The following ATXN1 variants were observed in gnomAD, a reference collection of about 807,000 sequenced individuals.
ATXN1 encodes the protein ataxin 1, also known as ataxin-1.
ATXN1 carries 8 observed loss-of-function variants against 56.4 expected under a neutral mutation model. The ratio of observed to expected loss-of-function variants is 0.14; its 90% CI spans 0.08 to 0.26. The LOEUF is 0.26. ATXN1 is among the 10% of genes least tolerant of loss of function. ATXN1 has a pLI of 1.00. For synonymous variants in ATXN1, 514 were observed against 494.6 expected (o/e 1.04, Z -0.52); for missense variants, 987 against 1,106.5 (o/e 0.89, Z 1.53).
At chr6:16,505,321 G>A (rs1056219973) in intron 5 of ATXN1, among the ~76,000 whole-genome samples, 3 of 152,136 alleles carry the variant, frequency 2.0e-5, no homozygotes, top group Non-Finnish European at 4.4e-5. Flanking sequence ...CAGACTTTCT[G>A]TTACTCAGAA....
intron 2 of ATXN1, among the ~76,000 whole-genome samples, chr6:16,702,198 G>C (rs1235596447): frequency 6.6e-6 from 1 of 152,136 alleles, no homozygotes; most frequent in South Asian, 2.1e-4. Flanking sequence ...ACAACTATCC[G>C]ATCTTTGACA....
At chr6:16,654,381 T>A (rs1308609872) in intron 3 of ATXN1, among the ~76,000 whole-genome samples, 2 of 151,704 alleles carry the variant, frequency 1.3e-5, no homozygotes, top group Admixed American at 6.6e-5. Context: ...CCATTTCTAC[T>A]AAAAATAGAA....
At chr6:16,538,378 C>A (rs533019323) in intron 4 of ATXN1, among the ~76,000 whole-genome samples, 3 of 152,270 alleles carry the variant, frequency 2.0e-5, no homozygotes, top group Admixed American at 2.0e-4. Context: ...ATACAAAGAG[C>A]TGACTGTTAT....
intron 4 of ATXN1, among the ~76,000 whole-genome samples, chr6:16,558,287 C>T (rs1219252097): frequency 1.9e-4 from 22 of 117,098 alleles, no homozygotes; most frequent in Non-Finnish European, 2.9e-4. Flanking sequence ...GGTGACAGAG[C>T]GAGATCCTGT....
chr6:16,662,903 A>T (rs545614861), intron 2 of ATXN1, among the ~76,000 whole-genome samples: 48 of 152,296 alleles, frequency 3.2e-4, no homozygotes, highest in Non-Finnish European at 5.6e-4. Context: ...GTTTTCCCTG[A>T]AACTACTCAG....
intron 6 of ATXN1, among the ~76,000 whole-genome samples, chr6:16,347,954 C>T (rs973076157): frequency 6.6e-6 from 1 of 152,196 alleles, no homozygotes; most frequent in Admixed American, 6.5e-5. Flanking sequence ...AGCTATAACA[C>T]TCACCGGAAA....
chr6:16,437,701 A>G (rs1759422921), intron 6 of ATXN1, among the ~76,000 whole-genome samples: 1 of 152,226 alleles, frequency 6.6e-6, no homozygotes, highest in Non-Finnish European at 1.5e-5. Context: ...TAACTTACAA[A>G]TTATTGGTAT....
chr6:16,529,680 T>C (rs1414804225), intron 4 of ATXN1, among the ~76,000 whole-genome samples: 1 of 152,060 alleles, frequency 6.6e-6, no homozygotes, highest in Non-Finnish European at 1.5e-5. Context: ...ATACATATTA[T>C]TATGTGTTTC....
chr6:16,746,651 C>T (rs994339591), intron 2 of ATXN1, among the ~76,000 whole-genome samples: 12 of 152,078 alleles, frequency 7.9e-5, no homozygotes, highest in East Asian at 3.9e-4. Context: ...TAAAAAGGAG[C>T]GGAGGAAGTA....
intron 2 of ATXN1, among the ~76,000 whole-genome samples, chr6:16,688,304 G>A (rs1309474957): frequency 2.6e-5 from 4 of 152,174 alleles, no homozygotes; most frequent in Non-Finnish European, 5.9e-5. Flanking sequence ...CCATGCTTAT[G>A]AATTGAGAAA....
At chr6:16,623,809 T>C (rs1032703366) in intron 3 of ATXN1, among the ~76,000 whole-genome samples, 2 of 152,258 alleles carry the variant, frequency 1.3e-5, no homozygotes, top group Non-Finnish European at 2.9e-5. Context: ...ACATATCCGA[T>C]GTGAATAGAC....
intron 6 of ATXN1, among the ~76,000 whole-genome samples, chr6:16,412,157 T>C (rs1175880859): frequency 6.6e-6 from 1 of 152,214 alleles, no homozygotes; most frequent in African/African-American, 2.4e-5. Flanking sequence ...AACTATAGAA[T>C]ATGAACCCTG....
At chr6:16,392,073 A>G (rs1227497705) in intron 6 of ATXN1, among the ~76,000 whole-genome samples, 3 of 152,218 alleles carry the variant, frequency 2.0e-5, no homozygotes, top group Non-Finnish European at 4.4e-5. Context: ...CCCCAAAGGA[A>G]ACATCAACTC....
At chr6:16,525,780 T>TACAC (rs1761380895) in intron 4 of ATXN1, among the ~76,000 whole-genome samples, 4 of 151,676 alleles carry the variant, frequency 2.6e-5, no homozygotes, top group African/African-American at 9.7e-5. Context: ...CCCATACATA[T>TACAC]ACACACCTAT....
intron 4 of ATXN1, among the ~76,000 whole-genome samples, chr6:16,554,534 C>A (rs911953037): frequency 9.2e-5 from 14 of 152,230 alleles, no homozygotes; most frequent in African/African-American, 3.4e-4. Flanking sequence ...TCACTGCAAC[C>A]TCCAGCTCCC....
At chr6:16,407,304 G>A (rs1758705437) in intron 6 of ATXN1, among the ~76,000 whole-genome samples, 1 of 152,216 alleles carries the variant, frequency 6.6e-6, no homozygotes, top group East Asian at 1.9e-4. Context: ...CTAAGGATAT[G>A]CCTTTATGAT....
chr6:16,407,705 A>C (rs1028316476), intron 6 of ATXN1, among the ~76,000 whole-genome samples: 1 of 152,186 alleles, frequency 6.6e-6, no homozygotes, highest in African/African-American at 2.4e-5. Context: ...TCATTAGACT[A>C]TGTAGCTAGA....
intron 4 of ATXN1, among the ~76,000 whole-genome samples, chr6:16,527,273 T>C (rs1171379271): frequency 2.6e-5 from 4 of 151,904 alleles, no homozygotes; most frequent in Non-Finnish European, 5.9e-5. Flanking sequence ...GCTGGGGAAG[T>C]GAGCATATCC....
In ATXN1 at chr6:16,603,251, A is replaced by G. The variant is rs369766637; in HGVS notation, c.-488-17344T>C. 1.2e-4 allele frequency among the ~76,000 whole-genome samples: 18 copies of G among 152,186 alleles called. 1 individual carries two copies. In the South Asian group the frequency reaches 1.7e-3, roughly 14 times the overall value. On this transcript the variant is annotated intron_variant, in intron 3 of 7. Coordinates refer to ENST00000436367, the MANE Select transcript of ATXN1 (RefSeq NM_001128164.2). ...GAGGTTAGCCCATTTCCCAGTTACC[A>G]TTCTCCTTTCCCCTGGCTTTTCTCC...
Sources: allele counts gnomAD v4.1 joint callset (sites outside exome capture counted in the v4.1 genomes callset), GRCh38; gene constraint gnomAD v4.1.1; transcripts MANE v1.5; gene names NCBI Gene and HGNC (gene_info 2026-07-23, HGNC 2026-07-21).